The following RBM26 variants were observed in gnomAD, a reference collection of about 807,000 sequenced individuals.
The protein encoded by RBM26 is RNA binding motif protein 26.
RBM26 carries 30 observed loss-of-function variants against 123.6 expected under a neutral mutation model. The ratio of observed to expected loss-of-function variants is 0.24; its 90% CI spans 0.18 to 0.33. RBM26 has a LOEUF of 0.33. RBM26 is among the 10% of genes least tolerant of loss of function. RBM26 has a pLI of 1.00. For missense variants in RBM26, 947 were observed against 1,203.6 expected, an observed-to-expected ratio of 0.79 and a Z score of 3.15; for synonymous variants, 400 against 404.4, an observed-to-expected ratio of 0.99 and a Z score of 0.13.
intron 19 of RBM26, among the ~76,000 whole-genome samples, chr13:79,335,142 T>TC (rs1301987528): frequency 2.0e-5 from 3 of 151,664 alleles, no homozygotes; most frequent in South Asian, 2.1e-4. Context: ...TTCCTAATTA[T>TC]CCCCCCCAAA....
chr13:79,324,580 G>A (rs983685067), intron 20 of RBM26, among the ~76,000 whole-genome samples: 10 of 151,648 alleles, frequency 6.6e-5, no homozygotes, highest in African/African-American at 2.2e-4. Context: ...GAGAGAAAGG[G>A]GTTGTTGTTG....
intron 1 of RBM26, among the ~76,000 whole-genome samples, chr13:79,396,263 C>T (rs1333156522): frequency 6.6e-6 from 1 of 151,794 alleles, no homozygotes; most frequent in Non-Finnish European, 1.5e-5. Context: ...GCAAATTAAA[C>T]CCAAAGTGTT....
intron 6 of RBM26, among the ~76,000 whole-genome samples, chr13:79,368,048 C>T (rs542284150): frequency 4.2e-5 from 6 of 141,814 alleles, no homozygotes; most frequent in South Asian, 4.3e-4. Flanking sequence ...TTTTTTGAGA[C>T]GGAGTCTCGC....
intron 1 of RBM26, among the ~76,000 whole-genome samples, chr13:79,383,184 A>T (rs1178891023): frequency 6.6e-6 from 1 of 152,132 alleles, no homozygotes; most frequent in African/African-American, 2.4e-5. Flanking sequence ...TAGGCTGAAC[A>T]GCTCTTGGCA....
rs951158424 is a variant in RBM26, at chr13:79,365,596, T to C, written c.1399A>G (p.Met467Val). The C allele has an allele frequency of 9.3e-6, 15 of 1,613,012 alleles. No individual in the cohort carries two copies. The highest frequency in any genetic ancestry group is 1.3e-5 in the Non-Finnish European group (15 of 1,179,450). The change falls in exon 9 of 22, where the codon ATG becomes GTG. Residue 467 changes from methionine (M) to valine (V), a missense_variant. This residue lies in a region of RBM26 where 493 missense variants were observed against 563.1 expected (regional missense o/e 0.88). Coordinates refer to ENST00000438737, the MANE Select transcript of RBM26 (RefSeq NM_001366735.2). Reference sequence around the variant, plus strand: ...ATAGTACCTCTGGGTGGCAAATCCATATCCCCTGATGTTAGTCCTATCAAG... The same window carrying C: ...ATAGTACCTCTGGGTGGCAAATCCACATCCCCTGATGTTAGTCCTATCAAG... The part of the protein sequence containing the change: ...PNLIGLTSGD[M>V]DLPPREKPPN...
At chr13:79,313,389 C>T (rs1389547682) in exon 5 of RBM26, 1 of 151,596 alleles carries the variant, frequency 6.6e-6, no homozygotes, top group East Asian at 1.9e-4. Context: ...AGTGAAAAAT[C>T]AAACCAAACC....
At chr13:79,401,786 T>C (rs1324992187) in intron 1 of RBM26, among the ~76,000 whole-genome samples, 2 of 152,216 alleles carry the variant, frequency 1.3e-5, no homozygotes, top group East Asian at 3.8e-4. Context: ...AGGAGGTTTC[T>C]TTGCCTAGAC....
chr13:79,331,242 G>A (rs1223589637), intron 20 of RBM26, among the ~76,000 whole-genome samples: 1 of 151,976 alleles, frequency 6.6e-6, no homozygotes, highest in Admixed American at 6.5e-5. Flanking sequence ...GGACTCAAGA[G>A]ATCCACCCCA....
intron 14 of RBM26, 39 bp from the exon 15 acceptor site, chr13:79,344,833 C>CCGAA (rs1566378813): frequency 1.0e-5 from 16 of 1,595,728 alleles, no homozygotes; most frequent in Non-Finnish European, 1.4e-5. Context: ...TATATATCAG[C>CCGAA]CGTTCATGAT....
chr13:79,333,778 T>C (rs1034737679), intron 20 of RBM26, among the ~76,000 whole-genome samples: 5 of 152,086 alleles, frequency 3.3e-5, no homozygotes, highest in African/African-American at 9.7e-5. Flanking sequence ...CAATTCAAGA[T>C]TGATAGTTTA....
intron 10 of RBM26, among the ~76,000 whole-genome samples, 187 bp downstream of exon 10, chr13:79,359,388 T>TGTAA (rs773246535): frequency 2.0e-5 from 3 of 152,214 alleles, no homozygotes; most frequent in African/African-American, 4.8e-5. Context: ...ACACCATTTC[T>TGTAA]GTAAGAAAAT....
chr13:79,365,007 G>C (rs2075111872), intron 9 of RBM26, among the ~76,000 whole-genome samples: 1 of 150,520 alleles, frequency 6.6e-6, no homozygotes, highest in Non-Finnish European at 1.5e-5. Flanking sequence ...GGCTACCCAA[G>C]AAAATGTGCT....
At position 79,368,828 on chromosome 13, in the gene RBM26, T is replaced by C. The variant is rs1229603888; in HGVS notation, c.797A>G (p.Asn266Ser). The change falls in exon 6 of 22, where the codon AAC (asparagine) becomes AGC (serine). Residue 266 changes from asparagine to serine, a missense_variant. Transcript: ENST00000438737. ...AAATTCAGACCAACTTTCGGTAGTG[T>C]TGTTTCCATGATGAGTAGGAGCAAT... ...TVIAPTHHGNNTTESWSEFHE... is the reference protein window; with the variant it reads ...TVIAPTHHGNSTTESWSEFHE... 2.5e-6 allele frequency: 4 copies of C among 1,613,828 alleles called. No individual in the cohort carries two copies. Among genetic ancestry groups the C allele is most frequent in the South Asian group, 1.1e-5 (1 of 91,084 alleles).
intron 18 of RBM26, 50 bp from the exon 19 acceptor site, chr13:79,337,352 A>T: frequency 6.3e-7 from 1 of 1,599,460 alleles, no homozygotes. Context: ...TTACTAACAC[A>T]AGCCAAGCAT....
At position 79,374,681 on chromosome 13, in the gene RBM26, G is replaced by A. The variant is rs117809576; in HGVS notation, c.327+2698C>T. Reference sequence around the variant, plus strand: ...CAGACAAAAAACCGGGTACTAATACGACCCTTCTGATGCACTCTTTCCCTT... The same window carrying A: ...CAGACAAAAAACCGGGTACTAATACAACCCTTCTGATGCACTCTTTCCCTT... On this transcript the variant is annotated intron_variant, in intron 3 of 21. Transcript: ENST00000438737. Among the ~76,000 whole-genome samples, 877 of 150,480 alleles carry A rather than the reference G, an allele frequency of 5.8e-3. 3 individuals carry two copies. The highest frequency in any genetic ancestry group is 9.9e-3 in the Non-Finnish European group (666 of 67,490).
chr13:79,371,230 G>T, intron 4 of RBM26, 68 bp from the exon 5 acceptor site: 1 of 1,279,436 alleles, frequency 7.8e-7, no homozygotes, highest in Non-Finnish European at 1.1e-6. Context: ...CTAATTAAAT[G>T]CAAAAGTTAC....
At chr13:79,362,838 T>C (rs889159038) in intron 9 of RBM26, among the ~76,000 whole-genome samples, 2 of 152,190 alleles carry the variant, frequency 1.3e-5, no homozygotes, top group East Asian at 3.8e-4. Flanking sequence ...ATCCCTTTCA[T>C]TGATATATAT....
chr13:79,334,049 A>G (rs2069882983), intron 20 of RBM26, among the ~76,000 whole-genome samples: 1 of 152,190 alleles, frequency 6.6e-6, no homozygotes, highest in Non-Finnish European at 1.5e-5. Context: ...TGGGTAGTGG[A>G]GTGGCCCTAT....
chr13:79,371,826 T>C lies in RBM26; in HGVS notation c.416+16A>G. ...CTTACATCGAAACACTGAGTATGGT[T>C]CAATGAACTGCTCACCTATTTTCCC... On this transcript the variant is annotated intron_variant, in intron 4 of 21. Transcript: ENST00000438737. 9 of 1,539,198 alleles carry C rather than the reference T, an allele frequency of 5.8e-6. No individual in the cohort carries two copies. Among genetic ancestry groups the C allele is most frequent in the Non-Finnish European group, 8.1e-6 (9 of 1,112,164 alleles).
Sources: gnomAD v4.1 joint callset for allele counts (sites outside exome capture counted in the v4.1 genomes callset) on GRCh38, gnomAD v4.1.1 for gene constraint, gnomAD v4.1.1 regional missense constraint, MANE v1.5 for transcripts, NCBI Gene and HGNC (gene_info 2026-07-23, HGNC 2026-07-21) for gene names.